Variants in DCLK1 observed in about 807,000 individuals in gnomAD.
DCLK1 encodes the protein serine/threonine-protein kinase DCLK1.
DCLK1 carries 16 observed loss-of-function variants against 86.2 expected under a neutral mutation model. That is an observed-to-expected ratio of 0.19 (90% CI 0.13 to 0.28). DCLK1 has a LOEUF of 0.28. Among genes scored for constraint, DCLK1 ranks in the 10% least tolerant of loss-of-function variants. The probability of loss-of-function intolerance (pLI) is 1.00; values close to 1 mark genes in which losing one functional copy is unlikely to be tolerated. For missense variants in DCLK1, 590 were observed against 940.2 expected, an observed-to-expected ratio of 0.63 and a Z score of 4.87; for synonymous variants, 369 against 370.5, an observed-to-expected ratio of 1.00 and a Z score of 0.05.
chr13:35,835,489 C>A lies in DCLK1; in HGVS notation c.1229+544G>T, dbSNP rs7337294. ...CGTCTAGTAGCCACCAGCTAACGTC[C>A]TCCATTAGGTATCTAGAACCTCAGG... On this transcript the variant is annotated intron_variant, in intron 8 of 16. Transcript: ENST00000360631. 8.2e-3 allele frequency among the ~76,000 whole-genome samples: 1,249 copies of A among 152,310 alleles called. 17 individuals carry two copies. Among genetic ancestry groups the A allele is most frequent in the African/African-American group, 0.029 (1,186 of 41,566 alleles).
intron 4 of DCLK1, among the ~76,000 whole-genome samples, chr13:35,939,311 T>C (rs931882515): frequency 3.9e-5 from 6 of 152,206 alleles, no homozygotes; most frequent in Non-Finnish European, 7.3e-5. Flanking sequence ...GGAATGATCA[T>C]ACCAGATTTT....
At chr13:35,775,653 C>T (rs1032631056) in intron 16 of DCLK1, among the ~76,000 whole-genome samples, 4 of 152,088 alleles carry the variant, frequency 2.6e-5, no homozygotes, top group Admixed American at 1.3e-4. Context: ...AAGTTGAAGG[C>T]GTTCTTATTT....
At chr13:35,895,555 AAT>A (rs997281957) in intron 4 of DCLK1, among the ~76,000 whole-genome samples, 1 of 152,116 alleles carries the variant, frequency 6.6e-6, no homozygotes, top group African/African-American at 2.4e-5. Flanking sequence ...GGACTGAGTA[AAT>A]TGTCTTCTGT....
Position 35,802,296 on chromosome 13 carries a change from C to A in DCLK1, c.1944+3403G>T, listed in dbSNP as rs140933010. On this transcript the variant is annotated intron_variant, in intron 15 of 16. Coordinates refer to ENST00000360631, the MANE Select transcript of DCLK1 (RefSeq NM_001330071.2). Reference sequence around the variant, plus strand: ...GCAGTGAGCCATGATTGAGCCACTGCATTCCAGCCTGGGTGACAGAGTGAG... The same window carrying A: ...GCAGTGAGCCATGATTGAGCCACTGAATTCCAGCCTGGGTGACAGAGTGAG... 7.6e-3 allele frequency among the ~76,000 whole-genome samples: 1,132 copies of A among 148,242 alleles called. 12 individuals carry two copies. Among genetic ancestry groups the A allele is most frequent in the African/African-American group, 0.026 (1,051 of 40,154 alleles).
At chr13:36,021,299 C>G (rs1418531302) in intron 3 of DCLK1, among the ~76,000 whole-genome samples, 1 of 148,850 alleles carries the variant, frequency 6.7e-6, no homozygotes. Flanking sequence ...CTAGAAAACA[C>G]TTATTTAATT....
intron 4 of DCLK1, among the ~76,000 whole-genome samples, chr13:35,913,848 C>G (rs1875194862): frequency 6.6e-6 from 1 of 152,104 alleles, no homozygotes; most frequent in Non-Finnish European, 1.5e-5. Flanking sequence ...ATGACTAGAA[C>G]TTGGCAGTTT....
At chr13:35,878,538 G>T (rs1267385530) in intron 4 of DCLK1, among the ~76,000 whole-genome samples, 2 of 152,092 alleles carry the variant, frequency 1.3e-5, no homozygotes, top group East Asian at 1.9e-4. Flanking sequence ...GGGAAATGGG[G>T]ATGGTTAATG....
chr13:35,854,293 T>C (rs1695932091), intron 6 of DCLK1, among the ~76,000 whole-genome samples: 1 of 152,216 alleles, frequency 6.6e-6, no homozygotes, highest in Non-Finnish European at 1.5e-5. Flanking sequence ...TGCATTCTTC[T>C]CAGAGTTAAG....
rs73525257 is a variant in DCLK1 at position 36,075,885 on chromosome 13, C to G, written c.723+35984G>C. 8.3e-3 allele frequency among the ~76,000 whole-genome samples: 1,262 copies of G among 152,204 alleles called. 15 individuals carry two copies. The highest frequency in any genetic ancestry group is 0.029 in the African/African-American group (1,189 of 41,536). ...CACACACACAAAAAAATTAGCCGAA[C>G]ACAGTGGCACATGCCTGTAGTCCCA... On this transcript the variant is annotated intron_variant, in intron 3 of 16. Coordinates refer to ENST00000360631, the MANE Select transcript of DCLK1 (RefSeq NM_001330071.2).
intron 4 of DCLK1, among the ~76,000 whole-genome samples, chr13:35,888,691 G>A (rs1873448838): frequency 6.6e-6 from 1 of 152,316 alleles, no homozygotes; most frequent in East Asian, 1.9e-4. Context: ...TGGCCAAGAC[G>A]CCTGAAATCA....
chr13:35,818,135 T>G (rs2087311344), intron 11 of DCLK1, among the ~76,000 whole-genome samples: 1 of 152,130 alleles, frequency 6.6e-6, no homozygotes, highest in South Asian at 2.1e-4. Context: ...TCCAATCCAT[T>G]AGTCAATACA....
At chr13:35,808,448 G>A (rs1228566488) in intron 13 of DCLK1, 128 bp from the exon 14 acceptor site, 10 of 841,622 alleles carry the variant, frequency 1.2e-5, no homozygotes, top group Middle Eastern at 4.7e-4. Context: ...ATTTTTAATC[G>A]ATTGAAAAAT....
At chr13:36,107,454 T>A (rs1016309802) in intron 3 of DCLK1, among the ~76,000 whole-genome samples, 1 of 151,242 alleles carries the variant, frequency 6.6e-6, no homozygotes, top group African/African-American at 2.4e-5. Flanking sequence ...ACATGGCCTA[T>A]GTGAAATGTC....
At chr13:36,083,635 C>T (rs1461001972) in intron 3 of DCLK1, among the ~76,000 whole-genome samples, 4 of 152,170 alleles carry the variant, frequency 2.6e-5, no homozygotes, top group Admixed American at 6.5e-5. Context: ...TGATCCATAT[C>T]GCCAAATAAC....
intron 3 of DCLK1, among the ~76,000 whole-genome samples, chr13:36,041,765 A>G (rs1882709717): frequency 6.6e-6 from 1 of 152,322 alleles, no homozygotes; most frequent in East Asian, 1.9e-4. Context: ...ACATGCACAC[A>G]TACACAGTTA....
rs77918623 is a variant in DCLK1 at position 36,120,264 on chromosome 13, C to A, written c.376+5498G>T. ...TTTTGTACATCTACACGGCAAAAAACACAATAAATGAAGTCACTAAAGAGA... is the reference window on the plus strand; with the variant it reads ...TTTTGTACATCTACACGGCAAAAAAAACAATAAATGAAGTCACTAAAGAGA... On this transcript the variant is annotated intron_variant, in intron 2 of 16. Transcript: ENST00000360631. Among the ~76,000 whole-genome samples, 1,057 of 152,122 alleles carry A rather than the reference C, an allele frequency of 6.9e-3. 15 individuals carry two copies. Among genetic ancestry groups the A allele is most frequent in the East Asian group, 0.053 (272 of 5,176 alleles).
At chr13:35,841,792 C>T (rs1272876509) in intron 6 of DCLK1, among the ~76,000 whole-genome samples, 1 of 152,144 alleles carries the variant, frequency 6.6e-6, no homozygotes, top group Non-Finnish European at 1.5e-5. Flanking sequence ...ATAGTATTAT[C>T]TCTTTTTTCC....
chr13:36,045,440 T>C (rs1042341530), intron 3 of DCLK1, among the ~76,000 whole-genome samples: 1 of 147,914 alleles, frequency 6.8e-6, no homozygotes. Context: ...TGTATAAATG[T>C]TTTAGAAGAA....
chr13:35,858,234 C>T (rs4941821), intron 5 of DCLK1, among the ~76,000 whole-genome samples: 50,739 of 151,776 alleles, frequency 0.33, 8,602 homozygotes, highest in African/African-American at 0.38. Flanking sequence ...TGGAGGTAAA[C>T]GGAAACGTTC....
Sources: allele counts gnomAD v4.1 joint callset (sites outside exome capture counted in the v4.1 genomes callset), GRCh38; gene constraint gnomAD v4.1.1; transcripts MANE v1.5; gene names NCBI Gene and HGNC (gene_info 2026-07-23, HGNC 2026-07-21).